Variants in PTPRD observed in about 807,000 individuals in gnomAD.
PTPRD encodes the protein receptor-type tyrosine-protein phosphatase delta.
A neutral mutation model predicts 214.5 loss-of-function variants in PTPRD; 34 were observed. The observed-to-expected ratio is 0.16, with a 90% CI of 0.12 to 0.21. PTPRD has a LOEUF of 0.21. Ranked by LOEUF, PTPRD falls within the 10% of genes least tolerant of loss-of-function variation. The pLI, the probability that PTPRD is intolerant of heterozygous loss-of-function variation, is 1.00. For missense variants in PTPRD, 2,545 were observed against 2,398.7 expected, an observed-to-expected ratio of 1.06 and a Z score of -1.27; for synonymous variants, 1,128 against 845.7, an observed-to-expected ratio of 1.33 and a Z score of -5.79.
chr9:10,342,937 T>C (rs543334850), intron 2 of PTPRD, among the ~76,000 whole-genome samples: 2 of 152,286 alleles, frequency 1.3e-5, no homozygotes, highest in African/African-American at 2.4e-5. Flanking sequence ...AAGTATCTTC[T>C]CCATTTAAAT....
At chr9:9,542,043 T>A (rs968014592) in intron 8 of PTPRD, among the ~76,000 whole-genome samples, 3 of 151,206 alleles carry the variant, frequency 2.0e-5, no homozygotes, top group Non-Finnish European at 4.4e-5. Context: ...TAGAGAAAAC[T>A]AAAGTGAAAA....
intron 2 of PTPRD, among the ~76,000 whole-genome samples, chr9:10,375,396 C>T (rs765765570): frequency 4.6e-5 from 7 of 151,990 alleles, no homozygotes; most frequent in Admixed American, 2.6e-4. Context: ...TCCCAAGTTA[C>T]AAGGTACCTT....
intron 5 of PTPRD, among the ~76,000 whole-genome samples, chr9:9,767,440 G>C (rs1409972165): frequency 3.3e-5 from 5 of 151,880 alleles, no homozygotes; most frequent in Admixed American, 3.3e-4. Context: ...CATCAAAAGA[G>C]AAAATAGAAT....
chr9:9,175,207 T>C (rs994602518), intron 10 of PTPRD, among the ~76,000 whole-genome samples: 2 of 152,160 alleles, frequency 1.3e-5, no homozygotes, highest in African/African-American at 4.8e-5. Flanking sequence ...GACAAGATTT[T>C]TCTAAAACGT....
At chr9:9,629,553 T>G (rs997042118) in intron 7 of PTPRD, among the ~76,000 whole-genome samples, 9 of 152,090 alleles carry the variant, frequency 5.9e-5, no homozygotes, top group Admixed American at 5.2e-4. Flanking sequence ...CACAAAATAC[T>G]TCACTTTAAA....
intron 3 of PTPRD, among the ~76,000 whole-genome samples, chr9:10,225,942 T>C (rs1216873371): frequency 2.0e-5 from 3 of 152,026 alleles, no homozygotes; most frequent in Non-Finnish European, 4.4e-5. Context: ...TGAGAACTTA[T>C]TTTACCTTAT....
At position 9,007,441 on chromosome 9, in the gene PTPRD, C is replaced by T. The variant is rs146670405; in HGVS notation, c.-104+11256G>A. Reference sequence around the variant, plus strand: ...ATGTGTTTTTGTACAACTATACCTTCAATACAAGTCCCTGAAGAATTTTAA... The same window carrying T: ...ATGTGTTTTTGTACAACTATACCTTTAATACAAGTCCCTGAAGAATTTTAA... On this transcript the variant is annotated intron_variant, in intron 11 of 45. Transcript: ENST00000381196. Among the ~76,000 whole-genome samples the T allele has an allele frequency of 3.8e-3, 569 of 149,058 alleles. 2 individuals are homozygous for T. The highest frequency in any genetic ancestry group is 0.013 in the African/African-American group (528 of 40,900).
intron 11 of PTPRD, among the ~76,000 whole-genome samples, chr9:8,938,033 G>C (rs752558285): frequency 2.0e-5 from 3 of 152,074 alleles, no homozygotes; most frequent in Admixed American, 6.6e-5. Flanking sequence ...TTCTCAACAA[G>C]TTTACAGTTT....
intron 39 of PTPRD, among the ~76,000 whole-genome samples, chr9:8,368,005 ACT>A (rs1324101076): frequency 6.6e-6 from 1 of 151,946 alleles, no homozygotes; most frequent in Non-Finnish European, 1.5e-5. Flanking sequence ...TAAGATTTGA[ACT>A]CTGTTTGTTA....
chr9:8,969,279 T>C (rs62529137), intron 11 of PTPRD, among the ~76,000 whole-genome samples: 27,072 of 151,986 alleles, frequency 0.18, 2,677 homozygotes, highest in African/African-American at 0.24. Context: ...GTAGATGTTA[T>C]AGACTGAGAC....
intron 3 of PTPRD, among the ~76,000 whole-genome samples, chr9:10,288,861 T>C (rs778961703): frequency 5.1e-4 from 78 of 152,122 alleles, no homozygotes; most frequent in Non-Finnish European, 1.0e-3. Context: ...AATTGGATTA[T>C]ATGAAAATAT....
chr9:10,338,989 A>C (rs1434849835), intron 3 of PTPRD, among the ~76,000 whole-genome samples: 1 of 151,772 alleles, frequency 6.6e-6, no homozygotes, highest in Non-Finnish European at 1.5e-5. Flanking sequence ...TATAAATTCA[A>C]CTGAGCAAGA....
chr9:9,382,152 AT>A (rs34345304), intron 9 of PTPRD, among the ~76,000 whole-genome samples: 35,616 of 151,420 alleles, frequency 0.24, 4,257 homozygotes, highest in Middle Eastern at 0.37. Flanking sequence ...TGTAAATGGG[AT>A]TTTTTTTCTT....
At chr9:8,930,310 C>T (rs545698856) in intron 11 of PTPRD, among the ~76,000 whole-genome samples, 2 of 152,118 alleles carry the variant, frequency 1.3e-5, no homozygotes, top group East Asian at 3.9e-4. Context: ...TTAATGGCTG[C>T]ATAGTATTCC....
chr9:10,516,486 A>G (rs1036005389), intron 2 of PTPRD, among the ~76,000 whole-genome samples: 1 of 151,920 alleles, frequency 6.6e-6, no homozygotes, highest in Non-Finnish European at 1.5e-5. Flanking sequence ...TTTATCAGAT[A>G]TATGGTTTGC....
At chr9:9,076,881 T>C (rs1258982981) in intron 10 of PTPRD, among the ~76,000 whole-genome samples, 2 of 151,834 alleles carry the variant, frequency 1.3e-5, no homozygotes, top group Non-Finnish European at 2.9e-5. Flanking sequence ...AATTCCAAAC[T>C]GTTCTCCATA....
At chr9:8,668,340 A>C (rs1420085506) in intron 12 of PTPRD, among the ~76,000 whole-genome samples, 1 of 152,234 alleles carries the variant, frequency 6.6e-6, no homozygotes, top group Admixed American at 6.5e-5. Context: ...AAATTAGGTG[A>C]ATATTCAATT....
intron 8 of PTPRD, among the ~76,000 whole-genome samples, chr9:9,420,365 A>G (rs2078323965): frequency 6.6e-6 from 1 of 151,822 alleles, no homozygotes; most frequent in Admixed American, 6.6e-5. Flanking sequence ...TAGGTAGTAA[A>G]GGATTTCTAT....
intron 12 of PTPRD, among the ~76,000 whole-genome samples, chr9:8,689,552 T>C (rs530200425): frequency 1.3e-5 from 2 of 152,276 alleles, no homozygotes; most frequent in South Asian, 4.1e-4. Context: ...GAATCCCTGA[T>C]AATACCGTCA....
Sources: gnomAD v4.1 joint callset for allele counts (sites outside exome capture counted in the v4.1 genomes callset) on GRCh38, gnomAD v4.1.1 for gene constraint, MANE v1.5 for transcripts, NCBI Gene and HGNC (gene_info 2026-07-23, HGNC 2026-07-21) for gene names.